The following KIAA2012 variants were observed in gnomAD, a reference collection of about 807,000 sequenced individuals.
KIAA2012 encodes the protein KIAA2012, also known as uncharacterized protein KIAA2012.
KIAA2012 carries 125 observed loss-of-function variants against 150.6 expected under a neutral mutation model. That is an observed-to-expected ratio of 0.83 (90% CI 0.72 to 0.96). The LOEUF (loss-of-function observed/expected upper bound fraction) is 0.96, where lower values mean the gene tolerates loss of function less well. Ranked by LOEUF, KIAA2012 falls within the 40% of genes least tolerant of loss-of-function variation. The pLI, the probability that KIAA2012 is intolerant of heterozygous loss-of-function variation, is 0.00. For synonymous variants in KIAA2012, 462 were observed against 504.7 expected, an observed-to-expected ratio of 0.92 and a Z score of 1.13; for missense variants, 1,219 against 1,354.9, an observed-to-expected ratio of 0.90 and a Z score of 1.57.
At chr2:202,094,346 G>A (rs932800452) in intron 4 of KIAA2012, among the ~76,000 whole-genome samples, 2 of 152,132 alleles carry the variant, frequency 1.3e-5, no homozygotes, top group Non-Finnish European at 2.9e-5. Flanking sequence ...CCATCTTTGG[G>A]GAAATGATCC....
chr2:202,132,548 T>C (rs1690956170), intron 12 of KIAA2012, among the ~76,000 whole-genome samples: 1 of 151,154 alleles, frequency 6.6e-6, no homozygotes, highest in African/African-American at 2.4e-5. Context: ...ACACCTGTAA[T>C]CCCAGCTACG....
chr2:202,189,893 A>G (rs1390527626), intron 18 of KIAA2012, among the ~76,000 whole-genome samples: 1 of 152,024 alleles, frequency 6.6e-6, no homozygotes, highest in Non-Finnish European at 1.5e-5. Context: ...GGGATTTGAG[A>G]CTAGCCTGGG....
chr2:202,118,920 A>T (rs964643803), intron 11 of KIAA2012, among the ~76,000 whole-genome samples: 1 of 152,224 alleles, frequency 6.6e-6, no homozygotes, highest in Non-Finnish European at 1.5e-5. Context: ...TCCTAGAAAC[A>T]TAAAGACTTC....
chr2:202,148,110 T>A (rs975251256), intron 13 of KIAA2012, among the ~76,000 whole-genome samples: 2 of 152,218 alleles, frequency 1.3e-5, no homozygotes, highest in African/African-American at 4.8e-5. Context: ...CAGCTAAGAT[T>A]TACTTATAGT....
chr2:202,108,100 G>C (rs1009448418), intron 9 of KIAA2012, among the ~76,000 whole-genome samples: 2 of 152,208 alleles, frequency 1.3e-5, no homozygotes, highest in African/African-American at 4.8e-5. Flanking sequence ...TATTGATGCT[G>C]AGTGGGACTG....
chr2:202,177,351 G>A (rs1176399672), intron 15 of KIAA2012, among the ~76,000 whole-genome samples: 1 of 152,168 alleles, frequency 6.6e-6, no homozygotes, highest in Non-Finnish European at 1.5e-5. Flanking sequence ...CTCTGGGAGG[G>A]AGAGGGAAAT....
At chr2:202,189,257 C>A (rs1234565290) in intron 18 of KIAA2012, among the ~76,000 whole-genome samples, 4 of 151,428 alleles carry the variant, frequency 2.6e-5, no homozygotes, top group Admixed American at 2.0e-4. Flanking sequence ...ACCCTCCGGA[C>A]GGTCCTGCCC....
intron 15 of KIAA2012, among the ~76,000 whole-genome samples, chr2:202,180,269 CAAAAA>C (rs569117421): frequency 4.1e-5 from 2 of 49,322 alleles, no homozygotes; most frequent in African/African-American, 7.4e-5. Flanking sequence ...GAAACTCCTC[CAAAAA>C]AAAAAAAAAA....
At chr2:202,119,462 C>T (rs1176253425) in intron 11 of KIAA2012, among the ~76,000 whole-genome samples, 2 of 152,014 alleles carry the variant, frequency 1.3e-5, no homozygotes, top group Non-Finnish European at 2.9e-5. Context: ...TTTCAGAGAA[C>T]CCTAGAGTCA....
chr2:202,138,369 A>ACATAC (rs1491543619), intron 12 of KIAA2012, 63 bp from the exon 13 acceptor site: 2 of 1,216,954 alleles, frequency 1.6e-6, no homozygotes, highest in Non-Finnish European at 2.4e-6. Context: ...TGGTATATAT[A>ACATAC]AAAAGTCATG....
intron 13 of KIAA2012, among the ~76,000 whole-genome samples, chr2:202,140,252 C>A (rs1409452381): frequency 6.6e-6 from 1 of 152,108 alleles, no homozygotes; most frequent in Non-Finnish European, 1.5e-5. Context: ...AGGGGCTCAA[C>A]CATGTCACAT....
chr2:202,090,648 G>A (rs1434393499), intron 2 of KIAA2012, 122 bp from the exon 3 acceptor site: 11 of 1,151,366 alleles, frequency 9.6e-6, no homozygotes, highest in African/African-American at 1.6e-5. Context: ...TCTGTTTTTG[G>A]TGCCTTCTGG....
intron 9 of KIAA2012, among the ~76,000 whole-genome samples, 175 bp from the exon 10 acceptor site, chr2:202,109,438 G>A (rs1053097077): frequency 6.6e-6 from 1 of 152,106 alleles, no homozygotes; most frequent in East Asian, 1.9e-4. Flanking sequence ...GAGAATGAGT[G>A]GAATAAACCA....
chr2:202,169,119 T>C (rs1378535115), intron 15 of KIAA2012, among the ~76,000 whole-genome samples: 2 of 152,212 alleles, frequency 1.3e-5, no homozygotes, highest in South Asian at 2.1e-4. Flanking sequence ...AAATGCTTAA[T>C]TGGGTGGCTA....
At chr2:202,137,201 G>A (rs544632307) in intron 12 of KIAA2012, 1 of 152,050 alleles carries the variant, frequency 6.6e-6, no homozygotes, top group Non-Finnish European at 1.5e-5. Context: ...AGTATGGAAA[G>A]AACTTTTTGT....
intron 13 of KIAA2012, among the ~76,000 whole-genome samples, chr2:202,146,919 G>A (rs2105948535): frequency 6.6e-6 from 1 of 152,252 alleles, no homozygotes; most frequent in Non-Finnish European, 1.5e-5. Flanking sequence ...TCCCTCATGG[G>A]GTCATGATGA....
intron 2 of KIAA2012, among the ~76,000 whole-genome samples, chr2:202,082,831 C>T (rs551997541): frequency 1.0e-4 from 14 of 135,420 alleles, no homozygotes; most frequent in African/African-American, 1.4e-4. Context: ...AAATGGTGTA[C>T]GGTAAGAGTC....
chr2:202,187,990 A>G lies in KIAA2012; in HGVS notation c.2377-162A>G, dbSNP rs1473867306. On this transcript the variant is annotated intron_variant, in intron 17 of 23. Coordinates refer to ENST00000498697, the MANE Select transcript of KIAA2012 (RefSeq NM_001277372.4). ...AAAGGCTGAACCTCTGAGTCTCCCCATCGGCTCTGCATTCTCTAAGATTCA... is the reference window on the plus strand; with the variant it reads ...AAAGGCTGAACCTCTGAGTCTCCCCGTCGGCTCTGCATTCTCTAAGATTCA... Among the ~76,000 whole-genome samples the G allele has an allele frequency of 2.0e-5, 3 of 152,248 alleles. No individual in the cohort carries two copies. The East Asian group carries it at 5.8e-4, about 29-fold the overall frequency.
chr2:202,180,219 C>T (rs142598560), intron 15 of KIAA2012, among the ~76,000 whole-genome samples: 204 of 145,164 alleles, frequency 1.4e-3, no homozygotes, highest in African/African-American at 4.6e-3. Context: ...TGCGGAGAGC[C>T]GAGATCGCGA....
Sources: allele counts gnomAD v4.1 joint callset (sites outside exome capture counted in the v4.1 genomes callset), GRCh38; gene constraint gnomAD v4.1.1; transcripts MANE v1.5; gene names NCBI Gene and HGNC (gene_info 2026-07-23, HGNC 2026-07-21).